TANC2: variants seen among roughly 807,000 people sequenced by gnomAD.
The protein encoded by TANC2 is protein TANC2.
A neutral mutation model predicts 210.5 loss-of-function variants in TANC2; 26 were observed. The observed-to-expected ratio is 0.12, with a 90% confidence interval of 0.09 to 0.17. The LOEUF is 0.17. Among genes scored for constraint, TANC2 ranks in the 10% least tolerant of loss-of-function variants. The pLI is 1.00. For synonymous variants in TANC2, 931 were observed against 967.1 expected, an observed-to-expected ratio of 0.96 and a Z score of 0.69; for missense variants, 2,129 against 2,608.9, an observed-to-expected ratio of 0.82 and a Z score of 4.01.
chr17:63,134,685 A>G (rs1281590212), intron 4 of TANC2, among the ~76,000 whole-genome samples: 1 of 152,220 alleles, frequency 6.6e-6, no homozygotes, highest in Non-Finnish European at 1.5e-5. Context: ...CATTTTAAAG[A>G]CAAGGAATCC....
intron 26 of TANC2, among the ~76,000 whole-genome samples, chr17:63,417,467 C>A (rs1731665716): frequency 6.6e-6 from 1 of 152,114 alleles, no homozygotes; most frequent in African/African-American, 2.4e-5. Flanking sequence ...TCAGGAATGA[C>A]ATGCCTGTGA....
At chr17:63,273,021 T>G (rs534013506) in intron 9 of TANC2, among the ~76,000 whole-genome samples, 1 of 152,266 alleles carries the variant, frequency 6.6e-6, no homozygotes, top group South Asian at 2.1e-4. Context: ...TGGCTGTCCC[T>G]GTAATCCCAG....
chr17:62,996,752 G>A (rs922376476), intron 1 of TANC2, among the ~76,000 whole-genome samples: 1 of 151,128 alleles, frequency 6.6e-6, no homozygotes, highest in African/African-American at 2.4e-5. Flanking sequence ...GAGATTATTT[G>A]TGATTGTATT....
Position 63,420,984 on chromosome 17 carries a change from G to A in TANC2, c.5254G>A (p.Val1752Ile), listed in dbSNP as rs201027730. The change falls in exon 28 of 28, where the codon GTA (valine) becomes ATA (isoleucine). Residue 1752 changes from valine (V) to isoleucine (I), a missense_variant. Transcript: ENST00000689528. The surrounding 1 kb of genome is among the most constrained non-coding windows in gnomAD (Gnocchi z 4.2). ...TTATCAAGGGTCAATTGGGGGAATC[G>A]TAGGGGATGGAAGGCCGGTGCAGCA... 47 of 1,613,946 alleles carry A rather than the reference G, an allele frequency of 2.9e-5. No homozygotes were observed. The African/African-American group carries it at 5.2e-4, about 18-fold the overall frequency.
At chr17:63,354,204 A>C (rs1328686054) in intron 13 of TANC2, among the ~76,000 whole-genome samples, 1 of 152,204 alleles carries the variant, frequency 6.6e-6, no homozygotes. Flanking sequence ...AGAATTTCCA[A>C]CAGATTCTAT....
intron 4 of TANC2, among the ~76,000 whole-genome samples, chr17:63,134,281 G>A (rs2039016525): frequency 6.6e-6 from 1 of 152,074 alleles, no homozygotes. Context: ...TCTATTGCCT[G>A]TCATATCACC....
At chr17:63,124,135 C>G (rs1261023128) in intron 4 of TANC2, among the ~76,000 whole-genome samples, 2 of 152,122 alleles carry the variant, frequency 1.3e-5, no homozygotes, top group East Asian at 3.9e-4. Flanking sequence ...TGGCCCTAAT[C>G]TTATTTATGA....
chr17:63,179,678 A>C (rs73323730), intron 5 of TANC2, among the ~76,000 whole-genome samples: 1 of 152,006 alleles, frequency 6.6e-6, no homozygotes, highest in African/African-American at 2.4e-5. Context: ...TGAACCTACA[A>C]ATTGTTCCCT....
intron 2 of TANC2, among the ~76,000 whole-genome samples, chr17:63,054,546 A>T (rs9908107): frequency 9.5e-5 from 13 of 136,950 alleles, no homozygotes; most frequent in East Asian, 2.3e-4. Flanking sequence ...TAATTTTTGT[A>T]TTTTTTTTTT....
At chr17:63,396,232 G>C (rs1049248077) in intron 18 of TANC2, 2 of 303,962 alleles carry the variant, frequency 6.6e-6, no homozygotes, top group East Asian at 1.4e-4. Flanking sequence ...AATTATTGAG[G>C]TGTAGTCACA....
At chr17:63,200,355 C>CAAAAAAAAAAA (rs10598629) in intron 6 of TANC2, among the ~76,000 whole-genome samples, 12 of 93,698 alleles carry the variant, frequency 1.3e-4, no homozygotes, top group South Asian at 3.8e-4. Flanking sequence ...AACTCTGTCT[C>CAAAAAAAAAAA]AAAAAAAAAA....
chr17:63,158,598 T>C (rs941729350), intron 5 of TANC2, among the ~76,000 whole-genome samples: 1 of 152,224 alleles, frequency 6.6e-6, no homozygotes, highest in Admixed American at 6.5e-5. Flanking sequence ...TTTTCTTATC[T>C]AGAATTTATA....
intron 8 of TANC2, among the ~76,000 whole-genome samples, chr17:63,247,893 G>GT (rs2042960200): frequency 6.6e-6 from 1 of 152,080 alleles, no homozygotes; most frequent in Non-Finnish European, 1.5e-5. Flanking sequence ...GTATTAGGTT[G>GT]TTTTTTGTAT....
intron 4 of TANC2, among the ~76,000 whole-genome samples, chr17:63,144,885 TG>T (rs768362012): frequency 1.2e-4 from 18 of 152,256 alleles, no homozygotes; most frequent in Admixed American, 2.0e-4. Context: ...TTTTTATTTT[TG>T]TTTTTTTCTT....
At chr17:63,337,505 C>T (rs2046073278) in intron 11 of TANC2, among the ~76,000 whole-genome samples, 2 of 151,832 alleles carry the variant, frequency 1.3e-5, no homozygotes, top group African/African-American at 4.8e-5. Flanking sequence ...ATTTAAGTCT[C>T]TGCTCTTCCT....
At chr17:63,297,038 T>A (rs1010535453) in intron 9 of TANC2, among the ~76,000 whole-genome samples, 2 of 152,172 alleles carry the variant, frequency 1.3e-5, no homozygotes, top group Non-Finnish European at 2.9e-5. Flanking sequence ...GCTAATAACA[T>A]GAATTCAGCA....
intron 8 of TANC2, among the ~76,000 whole-genome samples, chr17:63,250,579 G>A (rs997398596): frequency 9.2e-5 from 14 of 152,138 alleles, no homozygotes; most frequent in Admixed American, 5.9e-4. Flanking sequence ...AAATAACCCA[G>A]TAAGACAAAA....
intron 18 of TANC2, among the ~76,000 whole-genome samples, chr17:63,397,142 G>C (rs2048190257): frequency 6.6e-6 from 1 of 152,112 alleles, no homozygotes; most frequent in Non-Finnish European, 1.5e-5. Context: ...AGGCGTGGCA[G>C]TAGGCACCTG....
chr17:63,001,530 C>CTTTTTTT (rs534398376), intron 1 of TANC2, among the ~76,000 whole-genome samples: 3 of 140,134 alleles, frequency 2.1e-5, no homozygotes, highest in Admixed American at 7.2e-5. Flanking sequence ...CTTTTCTTTT[C>CTTTTTTT]TTTTTTTTTT....
Sources: gnomAD v4.1 joint callset for allele counts (sites outside exome capture counted in the v4.1 genomes callset) on GRCh38, gnomAD v4.1.1 for gene constraint, Gnocchi (gnomAD v3.1) non-coding constraint, MANE v1.5 for transcripts, NCBI Gene and HGNC (gene_info 2026-07-23, HGNC 2026-07-21) for gene names.